EHMT1: variants seen among roughly 807,000 people sequenced by gnomAD.
The protein encoded by EHMT1 is histone-lysine N-methyltransferase EHMT1.
EHMT1 carries 15 observed loss-of-function variants against 147.2 expected under a neutral mutation model. The observed-to-expected ratio is 0.10, with a 90% confidence interval of 0.07 to 0.16. The LOEUF (loss-of-function observed/expected upper bound fraction) is 0.16, where lower values mean the gene tolerates loss of function less well. Among genes scored for constraint, EHMT1 ranks in the 10% least tolerant of loss-of-function variants. EHMT1 has a pLI of 1.00. For synonymous variants in EHMT1, 795 were observed against 709.6 expected, an observed-to-expected ratio of 1.12 and a Z score of -1.91; for missense variants, 1,587 against 1,772.4, an observed-to-expected ratio of 0.90 and a Z score of 1.88.
intron 2 of EHMT1, 133 bp downstream of exon 2, chr9:137,711,163 A>G: frequency 1.2e-6 from 1 of 862,204 alleles, no homozygotes; most frequent in Non-Finnish European, 1.7e-6. Context: ...ATAGTTTCTA[A>G]TCTATCCCAT....
intron 25 of EHMT1, chr9:137,834,146 G>C: frequency 1.5e-6 from 1 of 670,742 alleles, no homozygotes; most frequent in East Asian, 2.7e-5. Flanking sequence ...GGACGGCAGG[G>C]TGCGGGGTGG....
rs564939443 is a variant in EHMT1 at position 137,679,194 on chromosome 9, C to T, written c.22-31773C>T. On this transcript the variant is annotated intron_variant, in intron 1 of 26. Transcript: ENST00000460843. ...TCGAACTCCTGACTTCGTGATCTGC[C>T]CGCCTCGGCCTCCCAGAGTGCTGGG... Among the ~76,000 whole-genome samples the T allele has an allele frequency of 4.6e-5, 7 of 152,242 alleles. No individual in the cohort carries two copies. The East Asian group carries it at 1.4e-3, about 29-fold the overall frequency.
In EHMT1 at chr9:137,813,086, C is replaced by G. The variant is rs763031759; in HGVS notation, c.2948C>G (p.Ser983Cys). The change falls in exon 20 of 27, where the codon TCT (serine) becomes TGT (cysteine). Residue 983 changes from serine to cysteine, a missense_variant. Coordinates refer to ENST00000460843, the MANE Select transcript of EHMT1 (RefSeq NM_024757.5). The surrounding 1 kb of genome is among the most constrained non-coding windows in gnomAD (Gnocchi z 4.9). ...ETPLQCASLN[S>C]QVWSALQMSK... The stretch of plus-strand genomic sequence containing the variant: ...CCCCTGCAGTGTGCGAGCCTCAACT[C>G]TCAGGTGTGGAGCGCTCTGCAGATG... 6.2e-7 allele frequency: 1 copy of G among 1,613,818 alleles called. No individual in the cohort carries two copies. Among genetic ancestry groups the G allele is most frequent in the Admixed American group, 1.7e-5 (1 of 60,022 alleles).
chr9:137,829,389 C>T (rs1481188001), intron 25 of EHMT1, among the ~76,000 whole-genome samples: 1 of 152,232 alleles, frequency 6.6e-6, no homozygotes, highest in Non-Finnish European at 1.5e-5. Flanking sequence ...CCTATTCCCC[C>T]ACTTGGACTT....
chr9:137,785,412 C>CGTGCTGAGCCCCTGAGGGTGGGGT (rs959682377), intron 15 of EHMT1: 7 of 151,240 alleles, frequency 4.6e-5, no homozygotes, highest in South Asian at 2.1e-4. Context: ...GAGGGTGGGC[C>CGTGCTGAGCCCCTGAGGGTGGGGT]GTGCTGAGCC....
chr9:137,789,521 T>C (rs1268718151), intron 15 of EHMT1, among the ~76,000 whole-genome samples: 2 of 152,218 alleles, frequency 1.3e-5, no homozygotes, highest in Non-Finnish European at 2.9e-5. Flanking sequence ...CTTCTGACGC[T>C]ACTTTACCTT....
At chr9:137,767,903 C>T (rs1432043358) in intron 10 of EHMT1, among the ~76,000 whole-genome samples, 1 of 152,146 alleles carries the variant, frequency 6.6e-6, no homozygotes, top group Non-Finnish European at 1.5e-5. Context: ...GAACATTTTG[C>T]ATTTCAGATT....
At chr9:137,724,396 G>T (rs144534126) in intron 3 of EHMT1, among the ~76,000 whole-genome samples, 2 of 152,304 alleles carry the variant, frequency 1.3e-5, no homozygotes, top group Admixed American at 1.3e-4. Context: ...GGGATGGGCC[G>T]GCCGTGCTGC....
intron 25 of EHMT1, among the ~76,000 whole-genome samples, chr9:137,833,566 G>C (rs1956372993): frequency 3.3e-5 from 5 of 152,214 alleles, no homozygotes; most frequent in Admixed American, 2.6e-4. Flanking sequence ...TCTCCAGAGA[G>C]AATTGCTTTT....
intron 1 of EHMT1, among the ~76,000 whole-genome samples, chr9:137,643,932 T>C (rs1844696025): frequency 3.9e-5 from 6 of 152,232 alleles, no homozygotes. Flanking sequence ...ATCTGCAGCA[T>C]GCGTTGTCTT....
At position 137,776,532 on chromosome 9, in the gene EHMT1, A is replaced by G. The variant is rs1443224105; in HGVS notation, c.1792-86A>G. On this transcript the variant is annotated intron_variant, in intron 11 of 26. Transcript: ENST00000460843. This position sits in a 1 kb window ranked among gnomAD's most constrained non-coding sequence, Gnocchi z 4.4. ...CACTCTGCAGACCGCCCGATGTGGG[A>G]TGCGGTGCCAGTTTAGTAGTACTTT... 1 of 1,360,850 alleles carries G rather than the reference A, an allele frequency of 7.3e-7. No individual in the cohort carries two copies. The highest frequency in any genetic ancestry group is 1.0e-6 in the Non-Finnish European group (1 of 970,926). The allele number at this position is 1,360,850 out of a possible 1,614,324, so 84.3% of individuals were successfully genotyped here.
At chr9:137,735,755 G>A (rs888113926) in intron 4 of EHMT1, among the ~76,000 whole-genome samples, 2 of 152,160 alleles carry the variant, frequency 1.3e-5, no homozygotes, top group Non-Finnish European at 2.9e-5. Context: ...CCCTCCAGGT[G>A]AGTGAATTCT....
At chr9:137,634,703 CTTTCTTT>C (rs1235095449) in intron 1 of EHMT1, among the ~76,000 whole-genome samples, 1 of 137,332 alleles carries the variant, frequency 7.3e-6, no homozygotes, top group Non-Finnish European at 1.6e-5. Flanking sequence ...TTTCTTTCTT[CTTTCTTT>C]TTTTTTTTTT....
In EHMT1 at chr9:137,775,003, C is replaced by T. The variant is rs868529349; in HGVS notation, c.1648-106C>T. 2.5e-5 allele frequency: 38 copies of T among 1,540,544 alleles called. No homozygotes were observed. In the African/African-American group the frequency reaches 4.1e-4, roughly 17 times the overall value. On this transcript the variant is annotated intron_variant, in intron 10 of 26. Transcript: ENST00000460843. The surrounding 1 kb of genome is among the most constrained non-coding windows in gnomAD (Gnocchi z 6.1). ...TGCAGGGCTCGGCTCAGTCAGCCCA[C>T]ACCTGCTGAGCAGCTCTTGTGTGCC...
intron 25 of EHMT1, chr9:137,823,457 G>C: frequency 2.8e-6 from 1 of 362,906 alleles, no homozygotes. Flanking sequence ...TGTCACCCAG[G>C]CTGGAGTGCA....
intron 18 of EHMT1, chr9:137,803,183 A>G: frequency 8.3e-7 from 1 of 1,210,786 alleles, no homozygotes; most frequent in South Asian, 4.3e-5. Context: ...TTAAATTTCA[A>G]GTTTGTTATT....
chr9:137,824,730 C>T (rs775572810), intron 25 of EHMT1, among the ~76,000 whole-genome samples: 3 of 152,194 alleles, frequency 2.0e-5, no homozygotes, highest in Non-Finnish European at 2.9e-5. Context: ...TTCCTAAGCA[C>T]ATCATACTTT....
At chr9:137,644,011 G>T (rs1203527249) in intron 1 of EHMT1, among the ~76,000 whole-genome samples, 4 of 152,200 alleles carry the variant, frequency 2.6e-5, no homozygotes, top group African/African-American at 9.6e-5. Context: ...TTGCAGTGTG[G>T]ATTAAAGGGA....
chr9:137,728,289 T>G, intron 3 of EHMT1, 60 bp from the exon 4 acceptor site: 1 of 1,609,080 alleles, frequency 6.2e-7, no homozygotes, highest in Non-Finnish European at 8.5e-7. Context: ...TTTGGTTGCA[T>G]GTTATTTCAG....
Sources: gnomAD v4.1 joint callset for allele counts (sites outside exome capture counted in the v4.1 genomes callset) on GRCh38, gnomAD v4.1.1 for gene constraint, Gnocchi (gnomAD v3.1) non-coding constraint, MANE v1.5 for transcripts, NCBI Gene and HGNC (gene_info 2026-07-23, HGNC 2026-07-21) for gene names.